Variants in NAA35 observed in about 807,000 individuals in gnomAD.
The protein encoded by NAA35 is MAK10 homolog, amino-acid N-acetyltransferase subunit.
NAA35 carries 18 observed loss-of-function variants against 101.7 expected under a neutral mutation model. The ratio of observed to expected loss-of-function variants is 0.18; its 90% CI spans 0.12 to 0.26. The LOEUF is 0.26. Among genes scored for constraint, NAA35 ranks in the 10% least tolerant of loss-of-function variants. NAA35 has a pLI of 1.00. For missense variants in NAA35, 601 were observed against 886.8 expected (o/e 0.68, Z 4.09); for synonymous variants, 267 against 273.1 (o/e 0.98, Z 0.22).
intron 11 of NAA35, among the ~76,000 whole-genome samples, chr9:85,983,460 GT>G (rs141746001): frequency 1.3e-5 from 2 of 151,312 alleles, no homozygotes; most frequent in South Asian, 2.1e-4. Flanking sequence ...GCTCTTAATG[GT>G]TTTTTTTTGG....
intron 2 of NAA35, among the ~76,000 whole-genome samples, chr9:85,945,375 A>T (rs1244045442): frequency 6.6e-6 from 1 of 152,236 alleles, no homozygotes; most frequent in East Asian, 1.9e-4. Context: ...CCCGTCTTGG[A>T]ATAATCAGAT....
intron 6 of NAA35, among the ~76,000 whole-genome samples, chr9:85,969,965 A>G (rs889363069): frequency 4.6e-5 from 7 of 152,094 alleles, no homozygotes; most frequent in Non-Finnish European, 1.0e-4. Context: ...CTACTGTGTC[A>G]CAGTCATCAA....
intron 10 of NAA35, 34 bp downstream of exon 10, chr9:85,977,480 T>C: frequency 1.3e-6 from 2 of 1,488,828 alleles, no homozygotes; most frequent in Non-Finnish European, 1.9e-6. Context: ...TCTATTTGTT[T>C]TAGTGATTTT....
chr9:86,008,929 C>G (rs1831769409), intron 14 of NAA35, among the ~76,000 whole-genome samples: 1 of 152,134 alleles, frequency 6.6e-6, no homozygotes, highest in African/African-American at 2.4e-5. Context: ...TCATTTGTCC[C>G]TGTTATTACT....
chr9:86,004,625 C>T (rs1831553672), intron 13 of NAA35, among the ~76,000 whole-genome samples: 1 of 151,998 alleles, frequency 6.6e-6, no homozygotes, highest in South Asian at 2.1e-4. Context: ...CAATGCAACC[C>T]AAAGCTCATT....
In NAA35 at chr9:86,003,705, TATTG is replaced by T. The variant is rs904253781; in HGVS notation, c.1116+71_1116+74del. 111 of 984,052 alleles carry T rather than the reference TATTG, an allele frequency of 1.1e-4. No individual in the cohort carries two copies. The Admixed American group carries it at 1.6e-3, about 14-fold the overall frequency. 61.0% of individuals were successfully genotyped at this position (984,052 alleles called of 1,614,324 possible). A position where few individuals can be genotyped will look rare whatever the true frequency, so the allele number is the denominator to read the frequency against. On this transcript the variant is annotated intron_variant, in intron 13 of 22. Transcript: ENST00000361671. The stretch of plus-strand genomic sequence containing the variant: ...CATTATATGTGTATTGACATTGTTT[TATTG>T]ATTGATTGAACAAAAGGTAGATGCT...
chr9:85,954,436 T>G (rs113390126), intron 2 of NAA35, among the ~76,000 whole-genome samples: 1 of 152,188 alleles, frequency 6.6e-6, no homozygotes, highest in Non-Finnish European at 1.5e-5. Context: ...GTCTCGACCA[T>G]TTTACAAACC....
At chr9:86,007,722 G>C (rs1055616757) in intron 14 of NAA35, among the ~76,000 whole-genome samples, 10 of 152,122 alleles carry the variant, frequency 6.6e-5, no homozygotes, top group African/African-American at 9.7e-5. Context: ...CGTAGTAGAG[G>C]CACTGCCCCG....
At chr9:86,015,884 G>T in intron 17 of NAA35, 1 of 524,496 alleles carries the variant, frequency 1.9e-6, no homozygotes, top group Non-Finnish European at 2.4e-6. Flanking sequence ...TTTGTAGGGT[G>T]GCAGGGAACA....
At chr9:85,961,429 G>A (rs916430377) in intron 5 of NAA35, among the ~76,000 whole-genome samples, 1 of 152,196 alleles carries the variant, frequency 6.6e-6, no homozygotes, top group Non-Finnish European at 1.5e-5. Flanking sequence ...TTGAGACACA[G>A]TACTTACCCA....
intron 15 of NAA35, among the ~76,000 whole-genome samples, chr9:86,010,318 T>G (rs1831845783): frequency 6.6e-6 from 1 of 152,076 alleles, no homozygotes; most frequent in Non-Finnish European, 1.5e-5. Flanking sequence ...TTTTTTCATC[T>G]AATATTTCTT....
intron 6 of NAA35, among the ~76,000 whole-genome samples, chr9:85,970,152 C>T (rs926369019): frequency 6.6e-6 from 1 of 152,146 alleles, no homozygotes. Flanking sequence ...TTTCTGTAAA[C>T]CAGAACTATA....
At chr9:85,947,845 A>C (rs891821815) in intron 2 of NAA35, among the ~76,000 whole-genome samples, 1 of 152,222 alleles carries the variant, frequency 6.6e-6, no homozygotes, top group South Asian at 2.1e-4. Flanking sequence ...AAAGGAACAC[A>C]TGGATACTGG....
At chr9:85,995,770 G>A (rs561961994) in intron 11 of NAA35, among the ~76,000 whole-genome samples, 1 of 152,290 alleles carries the variant, frequency 6.6e-6, no homozygotes, top group Admixed American at 6.5e-5. Flanking sequence ...TTAGTTTGGA[G>A]CTATGCACTA....
At chr9:85,970,351 A>G (rs745927655) in intron 6 of NAA35, among the ~76,000 whole-genome samples, 3 of 152,218 alleles carry the variant, frequency 2.0e-5, no homozygotes, top group Non-Finnish European at 4.4e-5. Context: ...GGATGCTGCA[A>G]CTACTGGACA....
chr9:86,017,670 T>C (rs1832294855), intron 19 of NAA35, 105 bp downstream of exon 19: 2 of 924,224 alleles, frequency 2.2e-6, no homozygotes, highest in South Asian at 3.6e-5. Context: ...AATTTCACCT[T>C]TGTTTTACTT....
At chr9:85,966,604 G>T in intron 6 of NAA35, 1 of 1,245,930 alleles carries the variant, frequency 8.0e-7, no homozygotes, top group South Asian at 1.4e-5. Flanking sequence ...AGATTTCGCG[G>T]CTCCTAGAAC....
At chr9:85,959,140 G>GC (rs1195824122) in intron 4 of NAA35, among the ~76,000 whole-genome samples, 1 of 152,034 alleles carries the variant, frequency 6.6e-6, no homozygotes, top group African/African-American at 2.4e-5. Context: ...ACTTTGGGAG[G>GC]CCGAGGTGGG....
chr9:85,969,877 A>AT (rs1829930145), intron 6 of NAA35, among the ~76,000 whole-genome samples: 1 of 151,480 alleles, frequency 6.6e-6, no homozygotes. Context: ...AAAAAAAAAA[A>AT]GATGTGTTCA....
Sources: gnomAD v4.1 joint callset for allele counts (sites outside exome capture counted in the v4.1 genomes callset) on GRCh38, gnomAD v4.1.1 for gene constraint, MANE v1.5 for transcripts, NCBI Gene and HGNC (gene_info 2026-07-23, HGNC 2026-07-21) for gene names.